THAP4: variants seen among roughly 807,000 people sequenced by gnomAD.
The protein encoded by THAP4 is peroxynitrite isomerase THAP4.
Under a neutral mutation model 48.1 loss-of-function variants are expected in THAP4, and 18 were observed. The ratio of observed to expected loss-of-function variants is 0.37; its 90% CI spans 0.26 to 0.56. The LOEUF (loss-of-function observed/expected upper bound fraction) is 0.56. THAP4 is among the 20% of genes least tolerant of loss of function. THAP4 has a pLI of 0.78. For synonymous variants in THAP4, 345 were observed against 324.9 expected, an observed-to-expected ratio of 1.06 and a Z score of -0.66; for missense variants, 656 against 774.9, an observed-to-expected ratio of 0.85 and a Z score of 1.82.
intron 2 of THAP4, among the ~76,000 whole-genome samples, chr2:241,630,550 G>A (rs1014463890): frequency 2.0e-5 from 3 of 152,114 alleles, no homozygotes; most frequent in Non-Finnish European, 4.4e-5. Flanking sequence ...AGGCCGAGGC[G>A]GGTGGATCAC....
intron 5 of THAP4, among the ~76,000 whole-genome samples, chr2:241,595,024 C>A (rs1400901442): frequency 2.0e-5 from 3 of 151,528 alleles, no homozygotes; most frequent in African/African-American, 7.3e-5. Flanking sequence ...CTTTTTTTTT[C>A]TTTTCTGATA....
chr2:241,608,375 T>C (rs2067215799), intron 2 of THAP4, among the ~76,000 whole-genome samples: 1 of 152,212 alleles, frequency 6.6e-6, no homozygotes, highest in South Asian at 2.1e-4. Context: ...TTTCAGTATT[T>C]CCTTTTTTGT....
At chr2:241,635,558 C>G (rs1233408204) in intron 1 of THAP4, among the ~76,000 whole-genome samples, 1 of 151,994 alleles carries the variant, frequency 6.6e-6, no homozygotes, top group Non-Finnish European at 1.5e-5. Context: ...ACTTTGAGGC[C>G]AGAGTTCGAG....
intron 2 of THAP4, among the ~76,000 whole-genome samples, chr2:241,625,249 A>T (rs1469992758): frequency 6.6e-6 from 1 of 152,126 alleles, no homozygotes; most frequent in Non-Finnish European, 1.5e-5. Flanking sequence ...CCAAGCTGGG[A>T]GAATCACTTG....
chr2:241,604,574 T>C (rs1267077387), intron 3 of THAP4, among the ~76,000 whole-genome samples: 1 of 151,970 alleles, frequency 6.6e-6, no homozygotes, highest in African/African-American at 2.4e-5. Flanking sequence ...ATTTTTGTAT[T>C]TTTGTATTTT....
chr2:241,605,156 G>A (rs1163368726), intron 3 of THAP4, among the ~76,000 whole-genome samples: 1 of 152,144 alleles, frequency 6.6e-6, no homozygotes, highest in East Asian at 1.9e-4. Flanking sequence ...TTTATGTGCA[G>A]ATGTATTACT....
intron 5 of THAP4, among the ~76,000 whole-genome samples, chr2:241,595,133 C>T (rs1199360125): frequency 6.6e-6 from 1 of 152,092 alleles, no homozygotes; most frequent in African/African-American, 2.4e-5. Context: ...CTGCCTCAGC[C>T]TCCTCAGTAG....
At chr2:241,604,565 T>C (rs1250216726) in intron 3 of THAP4, among the ~76,000 whole-genome samples, 1 of 151,940 alleles carries the variant, frequency 6.6e-6, no homozygotes, top group African/African-American at 2.4e-5. Context: ...ACCCGGCTAA[T>C]TTTTGTATTT....
rs538266695 is a variant in THAP4, at chr2:241,606,546, C to T, written c.1241-73G>A. On this transcript the variant is annotated intron_variant, in intron 2 of 5. Transcript: ENST00000407315. ...CTTGCTGAGCTTTAAGCAGAATGCA[C>T]GTTCCATATCGACGCTTGCTTCTGG... 1.7e-4 allele frequency: 229 copies of T among 1,376,260 alleles called. No individual in the cohort carries two copies. In the African/African-American group the frequency reaches 2.7e-3, roughly 16 times the overall value. The allele number at this position is 1,376,260 out of a possible 1,614,324, so 85.3% of individuals were successfully genotyped here. A position where few individuals can be genotyped will look rare whatever the true frequency, so the allele number is the denominator to read the frequency against.
At chr2:241,596,126 G>A (rs1430646369) in intron 5 of THAP4, among the ~76,000 whole-genome samples, 2 of 152,060 alleles carry the variant, frequency 1.3e-5, no homozygotes, top group African/African-American at 4.8e-5. Flanking sequence ...CCTGGCTGGG[G>A]GTGGTCCAAG....
chr2:241,622,134 CCAAGG>C (rs1332170820), intron 2 of THAP4, among the ~76,000 whole-genome samples: 1 of 152,214 alleles, frequency 6.6e-6, no homozygotes, highest in Non-Finnish European at 1.5e-5. Flanking sequence ...CTTTGGGAGG[CCAAGG>C]CGGGTGGATC....
At chr2:241,611,691 T>C (rs113402371) in intron 2 of THAP4, among the ~76,000 whole-genome samples, 1 of 143,386 alleles carries the variant, frequency 7.0e-6, no homozygotes, top group Non-Finnish European at 1.5e-5. Flanking sequence ...GCCACTGCAC[T>C]CCAGCCTGGG....
At chr2:241,604,657 G>A (rs555905629) in intron 3 of THAP4, among the ~76,000 whole-genome samples, 22 of 152,144 alleles carry the variant, frequency 1.4e-4, no homozygotes, top group African/African-American at 5.3e-4. Context: ...TGATCCACCT[G>A]CCTTGACCTC....
rs1305244349 is a variant in THAP4, at chr2:241,637,109, A to T, written c.-92T>A. 4.0e-6 allele frequency: 4 copies of T among 1,008,180 alleles called. No individual in the cohort carries two copies. Among genetic ancestry groups the T allele is most frequent in the Non-Finnish European group, 4.7e-6 (4 of 848,380 alleles). 62.5% of individuals were successfully genotyped at this position (1,008,180 alleles called of 1,614,324 possible). A position where few individuals can be genotyped will look rare whatever the true frequency, so the allele number is the denominator to read the frequency against. On this transcript the variant is annotated 5_prime_UTR_variant, in exon 1 of 6. Coordinates refer to ENST00000407315, the MANE Select transcript of THAP4 (RefSeq NM_015963.6). The stretch of plus-strand genomic sequence containing the variant: ...CCGAGGGAGGGAGCGCGGCGGCGAC[A>T]CGGCTCGGGACGTGGGCCGGCCCGC...
At chr2:241,597,800 G>A (rs2067067295) in intron 5 of THAP4, among the ~76,000 whole-genome samples, 1 of 152,100 alleles carries the variant, frequency 6.6e-6, no homozygotes, top group African/African-American at 2.4e-5. Context: ...CTCGGTAGAG[G>A]TCCCCAAAGC....
intron 2 of THAP4, among the ~76,000 whole-genome samples, chr2:241,632,487 C>G (rs143487524): frequency 0.024 from 3,603 of 152,260 alleles, 210 homozygotes; most frequent in East Asian, 0.19. Context: ...AAAACGTGAA[C>G]AGAAAGAACC....
intron 1 of THAP4, among the ~76,000 whole-genome samples, chr2:241,635,796 A>C (rs1447428125): frequency 6.6e-6 from 1 of 152,074 alleles, no homozygotes; most frequent in East Asian, 1.9e-4. Flanking sequence ...AGAAAAAAAA[A>C]CCAGGCCCTA....
chr2:241,614,141 A>G (rs1329189274), intron 2 of THAP4, among the ~76,000 whole-genome samples: 1 of 150,496 alleles, frequency 6.6e-6, no homozygotes, highest in Non-Finnish European at 1.5e-5. Context: ...GCAACTGGAG[A>G]GACACCCTGC....
At chr2:241,604,004 C>A (rs573490104) in intron 3 of THAP4, among the ~76,000 whole-genome samples, 32 of 151,010 alleles carry the variant, frequency 2.1e-4, no homozygotes, top group Admixed American at 6.6e-4. Context: ...AACAAAAAAA[C>A]CAAACCAAAA....
Sources: gnomAD v4.1 joint callset for allele counts (sites outside exome capture counted in the v4.1 genomes callset) on GRCh38, gnomAD v4.1.1 for gene constraint, MANE v1.5 for transcripts, NCBI Gene and HGNC (gene_info 2026-07-23, HGNC 2026-07-21) for gene names.